The following ANK3 variants were observed in gnomAD, a reference collection of about 807,000 sequenced individuals.
ANK3 encodes the protein ankyrin 3.
Under a neutral mutation model 370.9 loss-of-function variants are expected in ANK3, and 57 were observed. The observed-to-expected ratio is 0.15, with a 90% CI of 0.12 to 0.19. The LOEUF (loss-of-function observed/expected upper bound fraction) is 0.19, where lower values mean the gene tolerates loss of function less well. ANK3 is among the 10% of genes least tolerant of loss of function. The pLI is 1.00. For synonymous variants in ANK3, 1,929 were observed against 1,946.3 expected, an observed-to-expected ratio of 0.99 and a Z score of 0.23; for missense variants, 4,439 against 5,302.1, an observed-to-expected ratio of 0.84 and a Z score of 5.06.
rs534354140 is a variant in ANK3, at chr10:60,150,738, C to T, written c.2615-11651G>A. Among the ~76,000 whole-genome samples, 4 of 152,248 alleles carry T rather than the reference C, an allele frequency of 2.6e-5. No homozygotes were observed. The East Asian group carries it at 7.8e-4, about 30-fold the overall frequency. ...CTTGCCATGTGACATTCCTGCTCCC[C>T]CTTCTCCTTCTGCCATGAATAGAAG... is the stretch of plus-strand genomic sequence containing the variant. On this transcript the variant is annotated intron_variant, in intron 23 of 43. Transcript: ENST00000280772.
In ANK3 at chr10:60,324,986, A is replaced by G. The variant is rs183178782; in HGVS notation, c.115-45347T>C. The stretch of plus-strand genomic sequence containing the variant: ...TTCATATCCTAGGCTGCTCCCTAAA[A>G]TTATTTGATTTCCTTAGGGTTTAAC... On this transcript the variant is annotated intron_variant, in intron 1 of 43. Transcript: ENST00000280772. Among the ~76,000 whole-genome samples the G allele has an allele frequency of 4.6e-5, 7 of 152,246 alleles. No individual in the cohort carries two copies. The East Asian group carries it at 1.2e-3, about 25-fold the overall frequency.
At chr10:60,480,948 G>T (rs547282526) in intron 2 of ANK3, among the ~76,000 whole-genome samples, 2 of 152,256 alleles carry the variant, frequency 1.3e-5, no homozygotes, top group South Asian at 4.2e-4. Flanking sequence ...AATTTGGTCT[G>T]TTAGGATCAG....
chr10:60,449,968 G>A lies in ANK3; in HGVS notation c.96+165218C>T, dbSNP rs557064370. 1.2e-4 allele frequency among the ~76,000 whole-genome samples: 16 copies of A among 136,350 alleles called. 1 individual carries two copies. The highest frequency in any genetic ancestry group is 2.2e-4 in the East Asian group (1 of 4,452). The allele number at this position is 136,350 out of a possible 152,430, so 89.5% of individuals were successfully genotyped here. On this transcript the variant is annotated intron_variant, in intron 2 of 43. Coordinates refer to the ANK3 transcript ENST00000373827. ...AGAGAACCAAAAAATTTAGTGGTGC[G>A]ATGGAAAGAAAAGAGGAAAAGAGAA... is the stretch of plus-strand genomic sequence containing the variant.
chr10:60,138,365 C>G (rs2094440147), intron 24 of ANK3, among the ~76,000 whole-genome samples: 1 of 152,204 alleles, frequency 6.6e-6, no homozygotes, highest in Admixed American at 6.6e-5. Context: ...TTTTCCACTT[C>G]AGTTGTAAGA....
At chr10:60,437,218 A>T (rs1384279263) in intron 2 of ANK3, among the ~76,000 whole-genome samples, 1 of 152,206 alleles carries the variant, frequency 6.6e-6, no homozygotes, top group Admixed American at 6.5e-5. Flanking sequence ...AGGAAGTTAG[A>T]GTCCTAGAGG....
At chr10:60,553,254 C>T (rs944596235) in intron 2 of ANK3, among the ~76,000 whole-genome samples, 14 of 150,542 alleles carry the variant, frequency 9.3e-5, no homozygotes, top group African/African-American at 3.4e-4. Context: ...GCCTTATACC[C>T]ACTGGGTAAC....
At chr10:60,325,201 G>A (rs1408125771) in intron 1 of ANK3, among the ~76,000 whole-genome samples, 1 of 152,160 alleles carries the variant, frequency 6.6e-6, no homozygotes, top group East Asian at 1.9e-4. Context: ...CTGAGATAAG[G>A]TTACTGTTAT....
intron 23 of ANK3, chr10:60,144,232 A>ATTTCTC (rs1420565380): frequency 2.3e-6 from 1 of 442,804 alleles, no homozygotes; most frequent in Non-Finnish European, 4.5e-6. Flanking sequence ...ACCAAAACAA[A>ATTTCTC]AATGAGAAAT....
chr10:60,118,658 T>C lies in ANK3; in HGVS notation c.2842-4327A>G, dbSNP rs1001405517. On this transcript the variant is annotated intron_variant, in intron 25 of 43. Transcript: ENST00000280772. Reference sequence around the variant, plus strand: ...ATACAAAGTAGTGATGTTCCTTTAATTTTTTTGGCATGAGTGGAGTGGAGG... The same window carrying C: ...ATACAAAGTAGTGATGTTCCTTTAACTTTTTTGGCATGAGTGGAGTGGAGG... Among the ~76,000 whole-genome samples the C allele has an allele frequency of 4.3e-5, 6 of 141,060 alleles. 1 individual carries two copies. Among genetic ancestry groups the C allele is most frequent in the African/African-American group, 1.3e-4 (5 of 37,888 alleles). The allele number at this position is 141,060 out of a possible 152,430, so 92.5% of individuals were successfully genotyped here.
intron 2 of ANK3, among the ~76,000 whole-genome samples, chr10:60,551,603 GCTATTGCTTATGAAATA>G (rs1340543275): frequency 2.0e-5 from 3 of 152,058 alleles, no homozygotes; most frequent in African/African-American, 7.2e-5. Flanking sequence ...CATGTAAGAT[GCTATTGCTTATGAAATA>G]CTATTGCTTA....
At chr10:60,614,788 C>A (rs970297293) in intron 2 of ANK3, among the ~76,000 whole-genome samples, 1 of 152,102 alleles carries the variant, frequency 6.6e-6, no homozygotes, top group African/African-American at 2.4e-5. Context: ...GTAGACTTTT[C>A]GGTTTAGCTA....
chr10:60,389,917 A>T, upstream of ANK3: 2 of 934,638 alleles, frequency 2.1e-6, no homozygotes, highest in Non-Finnish European at 2.6e-6. Flanking sequence ...ATGCTTCTCC[A>T]AAGGGGAAGA....
intron 2 of ANK3, among the ~76,000 whole-genome samples, chr10:60,426,466 C>G (rs1272893682): frequency 6.6e-6 from 1 of 152,088 alleles, no homozygotes; most frequent in Non-Finnish European, 1.5e-5. Flanking sequence ...AAAGCCAGGA[C>G]TTTGTCTTAC....
intron 28 of ANK3, among the ~76,000 whole-genome samples, chr10:60,102,280 A>G (rs1403624413): frequency 2.0e-5 from 3 of 151,768 alleles, no homozygotes; most frequent in African/African-American, 7.3e-5. Flanking sequence ...TTCAGACCCC[A>G]TTTGCTCTCC....
At chr10:60,397,313 T>G (rs530658652) in intron 2 of ANK3, among the ~76,000 whole-genome samples, 1 of 152,114 alleles carries the variant, frequency 6.6e-6, no homozygotes, top group African/African-American at 2.4e-5. Context: ...ATATCCACCA[T>G]GCAGAAATTT....
rs2097542307 is a variant in ANK3 at position 60,245,679 on chromosome 10, A to C, written c.799-10893T>G. 3.3e-5 allele frequency among the ~76,000 whole-genome samples: 5 copies of C among 152,188 alleles called. No individual in the cohort carries two copies. In the South Asian group the frequency reaches 1.0e-3, roughly 31 times the overall value. On this transcript the variant is annotated intron_variant, in intron 7 of 43. Coordinates refer to ENST00000280772, the MANE Select transcript of ANK3 (RefSeq NM_020987.5). ...ATACTGTAGTACTTATCAGTACTTTATTTCTTTTCATGAGGATGCCAAGTT... is the reference window on the plus strand; with the variant it reads ...ATACTGTAGTACTTATCAGTACTTTCTTTCTTTTCATGAGGATGCCAAGTT...
At chr10:60,643,300 C>G (rs551561689) in intron 1 of ANK3, among the ~76,000 whole-genome samples, 1 of 152,108 alleles carries the variant, frequency 6.6e-6, no homozygotes, top group African/African-American at 2.4e-5. Flanking sequence ...CAGAATAAAG[C>G]AGGGAGAAAA....
chr10:60,236,208 G>C (rs1280372982), intron 7 of ANK3, among the ~76,000 whole-genome samples: 5 of 151,962 alleles, frequency 3.3e-5, no homozygotes, highest in Non-Finnish European at 5.9e-5. Context: ...TTGGCATCAT[G>C]TTATTTTACC....
intron 2 of ANK3, among the ~76,000 whole-genome samples, chr10:60,420,650 A>G (rs1394848819): frequency 6.6e-6 from 1 of 152,128 alleles, no homozygotes; most frequent in Admixed American, 6.6e-5. Context: ...AAAATGAACC[A>G]TTATTACACC....
Sources: gnomAD v4.1 joint callset for allele counts (sites outside exome capture counted in the v4.1 genomes callset) on GRCh38, gnomAD v4.1.1 for gene constraint, MANE v1.5 for transcripts, NCBI Gene and HGNC (gene_info 2026-07-23, HGNC 2026-07-21) for gene names.